Variants in RBPJ observed in about 807,000 individuals in gnomAD.
RBPJ encodes recombining binding protein suppressor of hairless.
In RBPJ, 9 loss-of-function variants were observed where a neutral mutation model predicts 67.8. The observed-to-expected ratio is 0.13, with a 90% CI of 0.08 to 0.23. The LOEUF (loss-of-function observed/expected upper bound fraction) is 0.23, where lower values mean the gene tolerates loss of function less well. RBPJ is among the 10% of genes least tolerant of loss of function. The pLI is 1.00. For missense variants in RBPJ, 305 were observed against 595.6 expected (o/e 0.51, Z 5.08); for synonymous variants, 198 against 203.3 (o/e 0.97, Z 0.22).
intron 1 of RBPJ, among the ~76,000 whole-genome samples, chr4:26,174,113 T>C (rs370197144): frequency 7.9e-5 from 12 of 152,332 alleles, no homozygotes; most frequent in African/African-American, 2.9e-4. Context: ...GCTTTTTCCT[T>C]GGCAAGCCGT....
At chr4:26,224,232 A>G (rs1560218278) in intron 1 of RBPJ, among the ~76,000 whole-genome samples, 1 of 150,816 alleles carries the variant, frequency 6.6e-6, no homozygotes, top group African/African-American at 2.4e-5. Context: ...CCGTAAGAAC[A>G]CAAGATTCTT....
In RBPJ at chr4:26,386,662, A is replaced by G. The variant is rs73810221; in HGVS notation, c.59+271A>G. ...GTGAATACAACATGGACGGCAGTGC[A>G]GGTAGCTTTCTATATCTAGCTATGG... is the stretch of plus-strand genomic sequence containing the variant. On this transcript the variant is annotated intron_variant, in intron 2 of 10. Transcript: ENST00000355476. Among the ~76,000 whole-genome samples, 762 of 152,316 alleles carry G rather than the reference A, an allele frequency of 5.0e-3. 10 individuals carry two copies. Among genetic ancestry groups the G allele is most frequent in the African/African-American group, 0.018 (740 of 41,590 alleles).
rs1437378291 is a variant in RBPJ at position 26,211,258 on chromosome 4, A to G, written c.-167+47644A>G. Among the ~76,000 whole-genome samples the G allele has an allele frequency of 2.0e-5, 3 of 152,164 alleles. No homozygotes were observed. In the East Asian group the frequency reaches 5.8e-4, roughly 29 times the overall value. On this transcript the variant is annotated intron_variant, in intron 1 of 4. Transcript: ENST00000512351. ...CCTAGTAGCACTTTTCTGGGGACAA[A>G]TACTCATCAGATATTCAAAAATGTT...
At chr4:26,177,103 T>C (rs1716820684) in intron 1 of RBPJ, among the ~76,000 whole-genome samples, 1 of 152,162 alleles carries the variant, frequency 6.6e-6, no homozygotes, top group Non-Finnish European at 1.5e-5. Flanking sequence ...CTCCTAGATA[T>C]TCATAAGCCT....
At chr4:26,158,949 CTCT>C (rs1716027179), upstream of RBPJ, among the ~76,000 whole-genome samples, 1 of 62,592 alleles carries the variant, frequency 1.6e-5, no homozygotes, top group African/African-American at 4.9e-5. Context: ...CTCTCTTTCT[CTCT>C]CTCTCTCTCT....
intron 1 of RBPJ, among the ~76,000 whole-genome samples, chr4:26,254,841 CTATTTTTTTT>C (rs1720239377): frequency 2.0e-4 from 5 of 24,484 alleles, no homozygotes; most frequent in African/African-American, 2.6e-4. Context: ...CCATGCCCAG[CTATTTTTTTT>C]TTTTTTTTTT....
At chr4:26,275,189 C>G (rs766995967) in intron 1 of RBPJ, among the ~76,000 whole-genome samples, 1 of 152,172 alleles carries the variant, frequency 6.6e-6, no homozygotes, top group African/African-American at 2.4e-5. Context: ...AAGTGAGAGA[C>G]GGCATCAAGG....
chr4:26,273,794 A>C (rs1720990563), intron 1 of RBPJ, among the ~76,000 whole-genome samples: 1 of 151,956 alleles, frequency 6.6e-6, no homozygotes, highest in Non-Finnish European at 1.5e-5. Flanking sequence ...CCTTGCCGCC[A>C]CCCTTCCAGT....
chr4:26,240,886 T>C (rs1468617596), intron 1 of RBPJ, among the ~76,000 whole-genome samples: 1 of 152,142 alleles, frequency 6.6e-6, no homozygotes, highest in African/African-American at 2.4e-5. Context: ...TCATTCCTTA[T>C]TATGGGCCCT....
At chr4:26,323,471 A>G (rs1036019815) in intron 1 of RBPJ, among the ~76,000 whole-genome samples, 1 of 152,240 alleles carries the variant, frequency 6.6e-6, no homozygotes, top group Admixed American at 6.5e-5. Flanking sequence ...TTAAATTATA[A>G]CAGCAGCATA....
chr4:26,403,001 C>A (rs1256001212), intron 2 of RBPJ, among the ~76,000 whole-genome samples: 1 of 152,200 alleles, frequency 6.6e-6, no homozygotes, highest in Non-Finnish European at 1.5e-5. Context: ...CTGTTACCGT[C>A]TTCTTAGTGT....
chr4:26,276,008 C>T (rs1235736316), intron 1 of RBPJ, among the ~76,000 whole-genome samples: 1 of 151,424 alleles, frequency 6.6e-6, no homozygotes, highest in Admixed American at 6.6e-5. Context: ...GGCGTGGTGG[C>T]TCACGCCTGT....
chr4:26,285,033 T>G (rs1480982831), intron 1 of RBPJ, among the ~76,000 whole-genome samples: 1 of 151,864 alleles, frequency 6.6e-6, no homozygotes, highest in African/African-American at 2.4e-5. Context: ...ATTTTTGTAT[T>G]TTTAGTAGAG....
At chr4:26,420,263 A>G (rs1337573134) in intron 4 of RBPJ, among the ~76,000 whole-genome samples, 1 of 152,088 alleles carries the variant, frequency 6.6e-6, no homozygotes, top group Non-Finnish European at 1.5e-5. Context: ...TCCATGATAC[A>G]GTTGTAGAGC....
intron 1 of RBPJ, among the ~76,000 whole-genome samples, chr4:26,377,780 C>G (rs953709074): frequency 2.0e-5 from 3 of 152,078 alleles, no homozygotes; most frequent in Non-Finnish European, 4.4e-5. Context: ...CACTTGTATT[C>G]TAGAGTTGGT....
At chr4:26,346,081 CA>C (rs1726106196) in intron 1 of RBPJ, among the ~76,000 whole-genome samples, 1 of 151,978 alleles carries the variant, frequency 6.6e-6, no homozygotes, top group Admixed American at 6.6e-5. Flanking sequence ...AGTGAAATTT[CA>C]AAAATAGTCA....
intron 3 of RBPJ, among the ~76,000 whole-genome samples, chr4:26,414,412 G>A (rs377657153): frequency 3.3e-5 from 5 of 151,196 alleles, no homozygotes; most frequent in African/African-American, 4.8e-5. Context: ...CAAGCAGTCC[G>A]CCTGCCTCTG....
intron 1 of RBPJ, among the ~76,000 whole-genome samples, chr4:26,379,959 T>G (rs1485110266): frequency 3.3e-5 from 5 of 152,150 alleles, no homozygotes; most frequent in Non-Finnish European, 7.3e-5. Context: ...TTTGATCACC[T>G]TTGTTAGTGG....
In RBPJ at chr4:26,246,875, C is replaced by T. The variant is rs1719945923; in HGVS notation, c.-167+83261C>T. On this transcript the variant is annotated intron_variant, in intron 1 of 4. Coordinates refer to the RBPJ transcript ENST00000512351. ...CTTGCTGAGGGGCCGCGCACCACTA[C>T]TGTACTCAGGTGTGCCTTATTTATA... is the stretch of plus-strand genomic sequence containing the variant. Among the ~76,000 whole-genome samples, 2 of 151,908 alleles carry T rather than the reference C, an allele frequency of 1.3e-5. 1 individual carries two copies. Among genetic ancestry groups the T allele is most frequent in the South Asian group, 4.1e-4 (2 of 4,822 alleles).
Sources: gnomAD v4.1 joint callset for allele counts (sites outside exome capture counted in the v4.1 genomes callset) on GRCh38, gnomAD v4.1.1 for gene constraint, MANE v1.5 for transcripts, NCBI Gene and HGNC (gene_info 2026-07-23, HGNC 2026-07-21) for gene names.